The following NRXN3 variants were observed in gnomAD, a reference collection of about 807,000 sequenced individuals.
NRXN3 encodes the protein neurexin III.
NRXN3 carries 32 observed loss-of-function variants against 137.6 expected under a neutral mutation model. That is an observed-to-expected ratio of 0.23 (90% CI 0.18 to 0.31). The LOEUF is 0.31. Among genes scored for constraint, NRXN3 ranks in the 10% least tolerant of loss-of-function variants. The probability of loss-of-function intolerance (pLI) is 1.00; values close to 1 mark genes in which losing one functional copy is unlikely to be tolerated. For missense variants in NRXN3, 1,574 were observed against 2,062.5 expected, an observed-to-expected ratio of 0.76 and a Z score of 4.59; for synonymous variants, 798 against 784.5, an observed-to-expected ratio of 1.02 and a Z score of -0.29.
intron 2 of NRXN3, among the ~76,000 whole-genome samples, chr14:78,253,264 A>G (rs2068931981): frequency 6.6e-6 from 1 of 152,248 alleles, no homozygotes; most frequent in Non-Finnish European, 1.5e-5. Context: ...TCTGTGAAGG[A>G]TGAAGTGTGG....
chr14:78,485,668 A>G (rs1456736431), intron 4 of NRXN3, among the ~76,000 whole-genome samples: 1 of 152,182 alleles, frequency 6.6e-6, no homozygotes, highest in African/African-American at 2.4e-5. Flanking sequence ...GCCCTTGGCC[A>G]CTTTATTTTC....
chr14:78,207,652 G>A (rs1459573985), intron 1 of NRXN3, among the ~76,000 whole-genome samples: 2 of 151,902 alleles, frequency 1.3e-5, no homozygotes, highest in African/African-American at 2.4e-5. Flanking sequence ...CATCTATCCA[G>A]GAATCTGAGC....
At chr14:79,004,747 T>C (rs193130561) in intron 15 of NRXN3, among the ~76,000 whole-genome samples, 1 of 152,298 alleles carries the variant, frequency 6.6e-6, no homozygotes, top group East Asian at 1.9e-4. Flanking sequence ...CTCTTGGAAG[T>C]CTCCTTTAGT....
chr14:78,319,171 A>G (rs1597276744), intron 4 of NRXN3, among the ~76,000 whole-genome samples: 1 of 152,316 alleles, frequency 6.6e-6, no homozygotes, highest in East Asian at 1.9e-4. Context: ...TTGGAAGTAG[A>G]TGGGAGAGCT....
At chr14:79,098,295 C>T (rs561175017) in intron 15 of NRXN3, among the ~76,000 whole-genome samples, 2 of 152,224 alleles carry the variant, frequency 1.3e-5, no homozygotes, top group Non-Finnish European at 1.5e-5. Flanking sequence ...GGAGATACCC[C>T]AGTTCCTTAA....
chr14:79,614,596 T>A lies in NRXN3; in HGVS notation c.3445-49182T>A, dbSNP rs570566943. ...TTACACTGATTTCATGCAAAATTAA[T>A]TATCAGTCCTGTCACATCTTGCACT... is the stretch of plus-strand genomic sequence containing the variant. On this transcript the variant is annotated intron_variant, in intron 16 of 20. Coordinates refer to ENST00000335750, the MANE Select transcript of NRXN3 (RefSeq NM_001330195.2). Among the ~76,000 whole-genome samples the A allele has an allele frequency of 5.3e-5, 8 of 152,328 alleles. No homozygotes were observed. In the Middle Eastern group the frequency reaches 0.017, roughly 324 times the overall value.
intron 15 of NRXN3, among the ~76,000 whole-genome samples, chr14:79,127,762 T>C (rs2056773552): frequency 1.3e-5 from 2 of 152,338 alleles, no homozygotes; most frequent in East Asian, 3.9e-4. Context: ...TAAATTACCT[T>C]GGGCAGTATG....
intron 15 of NRXN3, among the ~76,000 whole-genome samples, chr14:79,124,018 A>G (rs2055960698): frequency 6.6e-6 from 1 of 152,144 alleles, no homozygotes; most frequent in African/African-American, 2.4e-5. Context: ...ACACCACCGA[A>G]TGAGCAACAA....
At chr14:78,379,782 G>T (rs933350186) in intron 4 of NRXN3, among the ~76,000 whole-genome samples, 1 of 152,150 alleles carries the variant, frequency 6.6e-6, no homozygotes, top group Non-Finnish European at 1.5e-5. Context: ...GGAATAAAAG[G>T]CATATAAGTT....
intron 14 of NRXN3, among the ~76,000 whole-genome samples, chr14:78,973,318 A>G (rs1334298803): frequency 6.6e-6 from 1 of 152,214 alleles, no homozygotes; most frequent in African/African-American, 2.4e-5. Flanking sequence ...GGCCAAGGCC[A>G]GCCCTTATGC....
chr14:78,612,910 C>T (rs907382796), intron 4 of NRXN3, among the ~76,000 whole-genome samples: 5 of 152,210 alleles, frequency 3.3e-5, no homozygotes, highest in African/African-American at 1.2e-4. Flanking sequence ...TCTCTGGTTG[C>T]TGTTGCTTGG....
At chr14:78,805,369 A>T (rs542320723) in intron 9 of NRXN3, among the ~76,000 whole-genome samples, 1 of 152,054 alleles carries the variant, frequency 6.6e-6, no homozygotes, top group Non-Finnish European at 1.5e-5. Flanking sequence ...CCCGCCATCA[A>T]CCATGGTAAA....
chr14:79,591,655 TTATA>T (rs1297794044), intron 16 of NRXN3, among the ~76,000 whole-genome samples: 1 of 152,164 alleles, frequency 6.6e-6, no homozygotes, highest in Non-Finnish European at 1.5e-5. Flanking sequence ...TCAATACAAT[TTATA>T]TATTGAATAC....
chr14:79,197,850 G>GGTA (rs2065349638), intron 15 of NRXN3, among the ~76,000 whole-genome samples: 1 of 152,146 alleles, frequency 6.6e-6, no homozygotes, highest in African/African-American at 2.4e-5. Flanking sequence ...CCCACTGTAG[G>GGTA]ACAGCTTTCA....
rs555819246 is a variant in NRXN3, at chr14:79,060,733, C to A, written c.3262+72592C>A. 6.6e-5 allele frequency among the ~76,000 whole-genome samples: 10 copies of A among 152,222 alleles called. 1 individual carries two copies. In the South Asian group the frequency reaches 2.1e-3, roughly 32 times the overall value. On this transcript the variant is annotated intron_variant, in intron 15 of 20. Transcript: ENST00000335750. ...TCCTATAAAACTAGAATTATGAGAT[C>A]TCTCTTATAGGTTTGAAATAGGATG...
intron 1 of NRXN3, among the ~76,000 whole-genome samples, chr14:78,215,742 G>A (rs74065912): frequency 0.016 from 2,021 of 125,908 alleles, 61 homozygotes; most frequent in African/African-American, 0.056. Flanking sequence ...CGTTTGTGCT[G>A]GGGGGGTTTC....
chr14:79,359,907 C>T (rs1181091409), intron 15 of NRXN3, among the ~76,000 whole-genome samples: 1 of 152,082 alleles, frequency 6.6e-6, no homozygotes, highest in Non-Finnish European at 1.5e-5. Context: ...GACTTTATTT[C>T]TTTATAAAGC....
intron 19 of NRXN3, among the ~76,000 whole-genome samples, chr14:79,761,365 T>G (rs916633672): frequency 6.6e-6 from 1 of 151,628 alleles, no homozygotes; most frequent in Admixed American, 6.6e-5. Context: ...GTTTGGTCAA[T>G]AGAGAAGAGA....
At chr14:78,873,415 A>G (rs1245839409) in intron 10 of NRXN3, among the ~76,000 whole-genome samples, 1 of 152,224 alleles carries the variant, frequency 6.6e-6, no homozygotes, top group Non-Finnish European at 1.5e-5. Flanking sequence ...ACATTTTTGA[A>G]GATTGAATGT....
Sources: allele counts gnomAD v4.1 joint callset (sites outside exome capture counted in the v4.1 genomes callset), GRCh38; gene constraint gnomAD v4.1.1; transcripts MANE v1.5; gene names NCBI Gene and HGNC (gene_info 2026-07-23, HGNC 2026-07-21).